PRKAG2: variants seen among roughly 807,000 people sequenced by gnomAD.
PRKAG2 encodes 5'-AMP-activated protein kinase subunit gamma-2.
A neutral mutation model predicts 69.6 loss-of-function variants in PRKAG2; 26 were observed. The ratio of observed to expected loss-of-function variants is 0.37; its 90% confidence interval spans 0.27 to 0.52. PRKAG2 has a LOEUF of 0.52. PRKAG2 is among the 20% of genes least tolerant of loss of function. PRKAG2 has a pLI of 0.90. For synonymous variants in PRKAG2, 293 were observed against 285.0 expected (o/e 1.03, Z -0.28); for missense variants, 557 against 740.0 (o/e 0.75, Z 2.87).
rs184441336 is a variant in PRKAG2, at chr7:151,705,246, A to C, written c.467-29609T>G. Among the ~76,000 whole-genome samples, 417 of 152,332 alleles carry C rather than the reference A, an allele frequency of 2.7e-3. 1 individual carries two copies. Among genetic ancestry groups the C allele is most frequent in the Non-Finnish European group, 4.7e-3 (317 of 68,024 alleles). ...ACCCCTCTGGTCTCAGAGTTGGCTG[A>C]GAATATCAGGCTCCCTTTTCATTCC... On this transcript the variant is annotated intron_variant, in intron 3 of 15. Coordinates refer to ENST00000287878, the MANE Select transcript of PRKAG2 (RefSeq NM_016203.4).
intron 3 of PRKAG2, among the ~76,000 whole-genome samples, chr7:151,706,129 A>G (rs543654071): frequency 6.6e-6 from 1 of 152,324 alleles, no homozygotes; most frequent in Non-Finnish European, 1.5e-5. Context: ...CACAGCAGAT[A>G]TGCAGCACAG....
chr7:151,705,687 T>C (rs148326700), intron 3 of PRKAG2, among the ~76,000 whole-genome samples: 76 of 152,254 alleles, frequency 5.0e-4, no homozygotes, highest in Middle Eastern at 6.8e-3. Flanking sequence ...GGGTGTTCGA[T>C]TGGAGGGTGC....
At chr7:151,802,057 C>T (rs2151839719) in intron 1 of PRKAG2, among the ~76,000 whole-genome samples, 1 of 152,258 alleles carries the variant, frequency 6.6e-6, no homozygotes, top group East Asian at 1.9e-4. Context: ...GAAGGAAACC[C>T]CTCCCTGAGT....
rs2079129645 is a variant in PRKAG2, at chr7:151,835,661, G to A, written c.114+40846C>T. 6.6e-6 allele frequency among the ~76,000 whole-genome samples: 1 copy of A among 152,214 alleles called. No homozygotes were observed. ...ATTGTCATCACTTGCCAGATAAGGAGAGGTTGCTGTATGGACAGACACACA... is the reference window on the plus strand; with the variant it reads ...ATTGTCATCACTTGCCAGATAAGGAAAGGTTGCTGTATGGACAGACACACA... On this transcript the variant is annotated intron_variant, in intron 1 of 15. Coordinates refer to ENST00000287878, the MANE Select transcript of PRKAG2 (RefSeq NM_016203.4). This position sits in a 1 kb window ranked among gnomAD's most constrained non-coding sequence, Gnocchi z 4.1.
chr7:151,595,195 TG>T, intron 6 of PRKAG2, 149 bp downstream of exon 6: 1 of 639,022 alleles, frequency 1.6e-6, no homozygotes, highest in Non-Finnish European at 2.8e-6. Flanking sequence ...GTTGCCAAGA[TG>T]TTGAGAATTC....
At chr7:151,692,039 T>G (rs866922505) in intron 3 of PRKAG2, among the ~76,000 whole-genome samples, 1 of 152,050 alleles carries the variant, frequency 6.6e-6, no homozygotes, top group Admixed American at 6.6e-5. Flanking sequence ...ATTAAAAAAG[T>G]TGGCTGGGTG....
intron 11 of PRKAG2, among the ~76,000 whole-genome samples, chr7:151,566,154 T>A (rs944982501): frequency 1.3e-5 from 2 of 152,168 alleles, no homozygotes; most frequent in African/African-American, 4.8e-5. Context: ...CTTCACTCAC[T>A]AAGAACGCGT....
At chr7:151,821,218 A>G (rs1362351569) in intron 1 of PRKAG2, among the ~76,000 whole-genome samples, 4 of 152,258 alleles carry the variant, frequency 2.6e-5, no homozygotes, top group Admixed American at 1.3e-4. Flanking sequence ...GATAAGCAAG[A>G]TCAGGTAAAA....
intron 5 of PRKAG2, among the ~76,000 whole-genome samples, chr7:151,629,832 C>T (rs998724927): frequency 2.6e-5 from 4 of 152,104 alleles, no homozygotes; most frequent in Non-Finnish European, 4.4e-5. Flanking sequence ...ATGAGGATCT[C>T]GTCAAGGGCT....
intron 3 of PRKAG2, among the ~76,000 whole-genome samples, chr7:151,693,963 C>T (rs1563447693): frequency 6.6e-6 from 1 of 151,178 alleles, no homozygotes; most frequent in African/African-American, 2.4e-5. Flanking sequence ...CTTGTGACCC[C>T]TGGGTTCAAG....
intron 1 of PRKAG2, 108 bp downstream of exon 1, chr7:151,876,399 G>T: frequency 9.1e-7 from 1 of 1,101,752 alleles, no homozygotes; most frequent in Non-Finnish European, 1.4e-6. Flanking sequence ...CGAAGTGACA[G>T]GAGGGGCACG....
intron 3 of PRKAG2, chr7:151,735,997 T>A (rs1317641911): frequency 5.9e-6 from 9 of 1,536,018 alleles, no homozygotes; most frequent in African/African-American, 2.7e-5. Flanking sequence ...GCTTCATGGG[T>A]AGCTGTGGCC....
intron 3 of PRKAG2, among the ~76,000 whole-genome samples, chr7:151,722,044 G>A (rs1039844774): frequency 1.3e-5 from 2 of 152,166 alleles, no homozygotes; most frequent in Non-Finnish European, 2.9e-5. Flanking sequence ...TGGGTGAGCT[G>A]GCTATTGTTT....
intron 3 of PRKAG2, among the ~76,000 whole-genome samples, chr7:151,732,366 T>C (rs77523561): frequency 0.021 from 3,122 of 152,038 alleles, 171 homozygotes; most frequent in East Asian, 0.16. Flanking sequence ...CCCAAACTCC[T>C]GGACTCAAAC....
intron 5 of PRKAG2, among the ~76,000 whole-genome samples, chr7:151,595,824 A>G (rs77806639): frequency 0.097 from 14,776 of 152,244 alleles, 949 homozygotes; most frequent in Non-Finnish European, 0.14. Flanking sequence ...AGGGTTAATA[A>G]AACAAAGACA....
At chr7:151,570,513 G>A (rs747989160) in intron 9 of PRKAG2, among the ~76,000 whole-genome samples, 28 of 152,102 alleles carry the variant, frequency 1.8e-4, no homozygotes, top group Admixed American at 5.9e-4. Flanking sequence ...TCTGATAAAA[G>A]AGCAATACCA....
At chr7:151,715,869 C>T (rs577901524) in intron 3 of PRKAG2, among the ~76,000 whole-genome samples, 7 of 152,296 alleles carry the variant, frequency 4.6e-5, no homozygotes, top group Non-Finnish European at 7.3e-5. Flanking sequence ...TGGTGCGGGA[C>T]TCCACTCTCC....
intron 1 of PRKAG2, among the ~76,000 whole-genome samples, chr7:151,831,886 G>A (rs1486516178): frequency 2.6e-5 from 4 of 152,182 alleles, no homozygotes; most frequent in Admixed American, 6.5e-5. Flanking sequence ...AGAGTGGGGA[G>A]CAGAGGACAC....
intron 3 of PRKAG2, among the ~76,000 whole-genome samples, chr7:151,695,853 T>G (rs1474303448): frequency 6.6e-6 from 1 of 152,188 alleles, no homozygotes; most frequent in Non-Finnish European, 1.5e-5. Flanking sequence ...CTAATCACTC[T>G]TGGTGGTCTG....
Sources: allele counts gnomAD v4.1 joint callset (sites outside exome capture counted in the v4.1 genomes callset), GRCh38; gene constraint gnomAD v4.1.1; non-coding constraint Gnocchi (gnomAD v3.1); transcripts MANE v1.5; gene names NCBI Gene and HGNC (gene_info 2026-07-23, HGNC 2026-07-21).